Variants in KCNIP3 observed in about 807,000 individuals in gnomAD.
KCNIP3 encodes calsenilin.
A neutral mutation model predicts 35.0 loss-of-function variants in KCNIP3; 28 were observed. That is an observed-to-expected ratio of 0.80 (90% CI 0.59 to 1.10). The LOEUF is 1.10. Among genes scored for constraint, KCNIP3 ranks in the 50% least tolerant of loss-of-function variants. The pLI is 0.00. For synonymous variants in KCNIP3, 134 were observed against 133.8 expected (o/e 1.00, Z -0.01); for missense variants, 295 against 338.4 (o/e 0.87, Z 1.01).
intron 2 of KCNIP3, among the ~76,000 whole-genome samples, chr2:95,342,168 A>G (rs1002277732): frequency 2.0e-5 from 3 of 151,872 alleles, no homozygotes; most frequent in Admixed American, 1.3e-4. Flanking sequence ...CCACACGAGA[A>G]AGAGAGAGGA....
At chr2:95,326,796 C>T (rs534373435) in intron 2 of KCNIP3, among the ~76,000 whole-genome samples, 2 of 152,332 alleles carry the variant, frequency 1.3e-5, no homozygotes, top group East Asian at 1.9e-4. Flanking sequence ...TACAGGGCCC[C>T]GTGGGACCTG....
At position 95,382,060 on chromosome 2, in the gene KCNIP3, G is replaced by A. The variant is rs1680361328; in HGVS notation, c.556-317G>A. On this transcript the variant is annotated intron_variant, in intron 6 of 8. Coordinates refer to ENST00000295225, the MANE Select transcript of KCNIP3 (RefSeq NM_013434.5). The surrounding 1 kb of genome is among the most constrained non-coding windows in gnomAD (Gnocchi z 4.5). ...GGGCAGTGCGGTCCCTTAAGGCATG[G>A]GTGGAGAGGGGAGCCCTCGCACATG... Among the ~76,000 whole-genome samples the A allele has an allele frequency of 6.6e-6, 1 of 152,228 alleles. No individual in the cohort carries two copies. The highest frequency in any genetic ancestry group is 1.5e-5 in the Non-Finnish European group (1 of 68,038).
In KCNIP3 at chr2:95,382,334, C is replaced by T. The variant is rs774649184; in HGVS notation, c.556-43C>T. On this transcript the variant is annotated intron_variant, in intron 6 of 8. Coordinates refer to ENST00000295225, the MANE Select transcript of KCNIP3 (RefSeq NM_013434.5). The surrounding 1 kb of genome is among the most constrained non-coding windows in gnomAD (Gnocchi z 4.5). ...CCCGCTCCCTTTGGGCCCTCACAGCCACCCCGGCCTTGCAGCAGGCTCATG... is the reference window on the plus strand; with the variant it reads ...CCCGCTCCCTTTGGGCCCTCACAGCTACCCCGGCCTTGCAGCAGGCTCATG... The T allele has an allele frequency of 1.4e-6, 2 of 1,405,090 alleles. No homozygotes were observed. The highest frequency in any genetic ancestry group is 1.4e-5 in the African/African-American group (1 of 69,806). 87.0% of individuals were successfully genotyped at this position (1,405,090 alleles called of 1,614,324 possible).
At chr2:95,340,475 C>T (rs1679170042) in intron 2 of KCNIP3, among the ~76,000 whole-genome samples, 1 of 152,246 alleles carries the variant, frequency 6.6e-6, no homozygotes, top group Non-Finnish European at 1.5e-5. Flanking sequence ...GCTAGATGGT[C>T]ACACGTGTAG....
chr2:95,329,429 CT>C (rs1678871728), intron 2 of KCNIP3, among the ~76,000 whole-genome samples: 1 of 152,268 alleles, frequency 6.6e-6, no homozygotes, highest in Non-Finnish European at 1.5e-5. Context: ...TCGCTGGGCA[CT>C]GGCCACCCTG....
Position 95,383,940 on chromosome 2 carries a change from C to G in KCNIP3, c.724-62C>G. On this transcript the variant is annotated intron_variant, in intron 8 of 8. Coordinates refer to ENST00000295225, the MANE Select transcript of KCNIP3 (RefSeq NM_013434.5). ...TCCGAGTCCCTGGCGGGAATCTGCTCAAGGGGGTCGGATTTGGAGCCCACC... is the reference window on the plus strand; with the variant it reads ...TCCGAGTCCCTGGCGGGAATCTGCTGAAGGGGGTCGGATTTGGAGCCCACC... 2.7e-6 allele frequency: 4 copies of G among 1,456,196 alleles called. No homozygotes were observed. The East Asian group carries it at 9.1e-5, about 33-fold the overall frequency. 90.2% of individuals were successfully genotyped at this position (1,456,196 alleles called of 1,614,324 possible). A position where few individuals can be genotyped will look rare whatever the true frequency, so the allele number is the denominator to read the frequency against.
At chr2:95,346,988 G>T (rs200411648) in intron 2 of KCNIP3, 3 of 1,547,268 alleles carry the variant, frequency 1.9e-6, no homozygotes, top group South Asian at 2.3e-5. Flanking sequence ...GGGTGCGCCC[G>T]GGCCCCAGGG....
At chr2:95,325,578 T>G (rs1313875806) in intron 2 of KCNIP3, among the ~76,000 whole-genome samples, 3 of 151,842 alleles carry the variant, frequency 2.0e-5, no homozygotes, top group Admixed American at 6.6e-5. Context: ...TCAGGGCACA[T>G]GCACGCACAC....
chr2:95,348,603 G>T (rs1220983896), intron 2 of KCNIP3, among the ~76,000 whole-genome samples: 4 of 152,302 alleles, frequency 2.6e-5, no homozygotes, highest in Non-Finnish European at 4.4e-5. Context: ...CCCACAGTCG[G>T]GGGCAGTGTG....
chr2:95,345,946 G>A (rs1679344422), intron 2 of KCNIP3, among the ~76,000 whole-genome samples: 1 of 152,238 alleles, frequency 6.6e-6, no homozygotes. Flanking sequence ...GAAGGCGGGC[G>A]TCTCCCCCTC....
intron 1 of KCNIP3, among the ~76,000 whole-genome samples, chr2:95,300,865 T>G (rs967635503): frequency 5.9e-5 from 9 of 152,180 alleles, no homozygotes; most frequent in African/African-American, 2.2e-4. Context: ...CTGCCCAGCA[T>G]GCCCTCTCCA....
intron 2 of KCNIP3, among the ~76,000 whole-genome samples, chr2:95,348,507 C>T (rs1223323958): frequency 6.6e-6 from 1 of 152,206 alleles, no homozygotes; most frequent in African/African-American, 2.4e-5. Context: ...CATTGCTCTT[C>T]CCTGATCCTC....
At chr2:95,368,302 G>A (rs562203053) in intron 2 of KCNIP3, among the ~76,000 whole-genome samples, 4 of 152,048 alleles carry the variant, frequency 2.6e-5, no homozygotes, top group Non-Finnish European at 5.9e-5. Context: ...TCTCATAGTA[G>A]CAAACAGCAA....
intron 1 of KCNIP3, among the ~76,000 whole-genome samples, 180 bp downstream of exon 1, chr2:95,297,633 G>T (rs1431478955): frequency 6.6e-6 from 1 of 151,886 alleles, no homozygotes; most frequent in African/African-American, 2.4e-5. Context: ...TGTCCTGGCT[G>T]GTGTTGGAGT....
chr2:95,326,521 G>C (rs1244465825), intron 2 of KCNIP3, among the ~76,000 whole-genome samples: 9 of 152,210 alleles, frequency 5.9e-5, no homozygotes, highest in Non-Finnish European at 1.2e-4. Context: ...TAACTGGACC[G>C]GCCTGCCGGC....
chr2:95,331,600 C>A (rs1259668244), intron 2 of KCNIP3, among the ~76,000 whole-genome samples: 1 of 152,204 alleles, frequency 6.6e-6, no homozygotes, highest in Non-Finnish European at 1.5e-5. Context: ...CCGCTGCCTG[C>A]GCCCATCCTC....
intron 1 of KCNIP3, among the ~76,000 whole-genome samples, chr2:95,304,665 C>T (rs1331663061): frequency 6.6e-6 from 1 of 152,220 alleles, no homozygotes; most frequent in Non-Finnish European, 1.5e-5. Flanking sequence ...ATTTGGGGCT[C>T]AGTTGGGTGC....
intron 2 of KCNIP3, among the ~76,000 whole-genome samples, chr2:95,315,722 T>G (rs1450393323): frequency 6.6e-6 from 1 of 152,028 alleles, no homozygotes; most frequent in Non-Finnish European, 1.5e-5. Context: ...CAGCTCTGTC[T>G]ATAAGTCACC....
rs1277420457 is a variant in KCNIP3, at chr2:95,382,551, C to G, written c.660+70C>G. The G allele has an allele frequency of 8.4e-7, 1 of 1,186,536 alleles. No individual in the cohort carries two copies. The highest frequency in any genetic ancestry group is 2.3e-5 in the Admixed American group (1 of 44,410). 73.5% of individuals were successfully genotyped at this position (1,186,536 alleles called of 1,614,324 possible). On this transcript the variant is annotated intron_variant, in intron 7 of 8. Coordinates refer to ENST00000295225, the MANE Select transcript of KCNIP3 (RefSeq NM_013434.5). The surrounding 1 kb of genome is among the most constrained non-coding windows in gnomAD (Gnocchi z 4.5). ...GAAGGGGCTCTCGCTTTTGGGGCCACCCCGGGCAAGTGGCTTGCCCCTCTG... is the reference window on the plus strand; with the variant it reads ...GAAGGGGCTCTCGCTTTTGGGGCCAGCCCGGGCAAGTGGCTTGCCCCTCTG...
Sources: allele counts gnomAD v4.1 joint callset (sites outside exome capture counted in the v4.1 genomes callset), GRCh38; gene constraint gnomAD v4.1.1; non-coding constraint Gnocchi (gnomAD v3.1); transcripts MANE v1.5; gene names NCBI Gene and HGNC (gene_info 2026-07-23, HGNC 2026-07-21).